Variants in ABCB5 observed in about 807,000 individuals in gnomAD.
ABCB5 encodes the protein ATP-binding cassette sub-family B member 5.
Under a neutral mutation model 144.2 loss-of-function variants are expected in ABCB5, and 155 were observed. The ratio of observed to expected loss-of-function variants is 1.08; its 90% CI spans 0.94 to 1.23. The LOEUF (loss-of-function observed/expected upper bound fraction) is 1.23, where lower values mean the gene tolerates loss of function less well. ABCB5 is among the 50% of genes most tolerant of loss of function. ABCB5 has a pLI of 0.00. For missense variants in ABCB5, 1,830 were observed against 1,520.8 expected (o/e 1.20, Z -3.38); for synonymous variants, 610 against 528.6 (o/e 1.15, Z -2.11).
chr7:20,638,391 T>C (rs1784211255), intron 5 of ABCB5, among the ~76,000 whole-genome samples: 1 of 152,174 alleles, frequency 6.6e-6, no homozygotes, highest in Admixed American at 6.5e-5. Context: ...TAGCATATAA[T>C]TTACCAGTTT....
chr7:20,669,039 C>T (rs1785353714), intron 14 of ABCB5, among the ~76,000 whole-genome samples: 1 of 137,310 alleles, frequency 7.3e-6, no homozygotes, highest in South Asian at 2.6e-4. Context: ...CTCTGCCCGG[C>T]CGCCCCTACT....
chr7:20,659,062 T>C (rs1382897933), intron 14 of ABCB5: 1 of 1,613,758 alleles, frequency 6.2e-7, no homozygotes, highest in East Asian at 2.2e-5. Context: ...CTTTTCTTCT[T>C]TAGGATACCC....
intron 7 of ABCB5, among the ~76,000 whole-genome samples, chr7:20,645,358 C>G (rs534297743): frequency 6.6e-6 from 1 of 152,174 alleles, no homozygotes; most frequent in Non-Finnish European, 1.5e-5. Flanking sequence ...AAAATCAGCT[C>G]CTATTATGTG....
At chr7:20,652,284 C>G (rs1246907931) in intron 13 of ABCB5, among the ~76,000 whole-genome samples, 3 of 152,104 alleles carry the variant, frequency 2.0e-5, no homozygotes, top group Non-Finnish European at 2.9e-5. Context: ...AATGTGAAAT[C>G]AGGCCGGGTG....
chr7:20,706,303 C>G (rs763440916), intron 20 of ABCB5, among the ~76,000 whole-genome samples: 32 of 152,140 alleles, frequency 2.1e-4, no homozygotes, highest in Non-Finnish European at 4.3e-4. Context: ...TAATGTTTGT[C>G]TCTTACTACT....
At chr7:20,751,122 C>G (rs1000092495) in intron 26 of ABCB5, among the ~76,000 whole-genome samples, 1 of 152,164 alleles carries the variant, frequency 6.6e-6, no homozygotes, top group African/African-American at 2.4e-5. Flanking sequence ...TGACTTTTAG[C>G]TCCGGTTCAT....
intron 18 of ABCB5, 24 bp from the exon 19 acceptor site, chr7:20,700,034 G>T: frequency 6.2e-7 from 1 of 1,610,518 alleles, no homozygotes; most frequent in African/African-American, 1.3e-5. Flanking sequence ...AAAGAACGTA[G>T]ATTTTTGTTT....
At chr7:20,738,951 A>G (rs1319894038) in intron 23 of ABCB5, 32 bp from the exon 24 acceptor site, 1 of 1,549,780 alleles carries the variant, frequency 6.5e-7, no homozygotes, top group African/African-American at 1.4e-5. Flanking sequence ...GGATCGATGG[A>G]CCTAAGATTC....
At chr7:20,617,667 G>A (rs1433518659) in intron 1 of ABCB5, among the ~76,000 whole-genome samples, 17 of 152,146 alleles carry the variant, frequency 1.1e-4, no homozygotes, top group African/African-American at 3.1e-4. Flanking sequence ...CCCAAAAATC[G>A]CATTTTTATA....
chr7:20,723,897 G>A (rs114263536), intron 21 of ABCB5, among the ~76,000 whole-genome samples: 1,775 of 152,198 alleles, frequency 0.012, 38 homozygotes, highest in African/African-American at 0.04. Context: ...GAAAATGCCT[G>A]GACATACAGG....
intron 16 of ABCB5, among the ~76,000 whole-genome samples, chr7:20,688,345 A>G (rs1786073044): frequency 6.6e-6 from 1 of 152,210 alleles, no homozygotes; most frequent in Non-Finnish European, 1.5e-5. Flanking sequence ...ACAATGAAAG[A>G]GAAAGTTTAG....
chr7:20,755,554 G>A lies in ABCB5; in HGVS notation c.3704G>A (p.Gly1235Glu). 6.2e-7 allele frequency: 1 copy of A among 1,614,134 alleles called. No individual in the cohort carries two copies. Among genetic ancestry groups the A allele is most frequent in the Non-Finnish European group, 8.5e-7 (1 of 1,180,020 alleles). Reference protein sequence around the residue: ...VLHNGKIKEQGTHQELLRNRD... With the variant: ...VLHNGKIKEQETHQELLRNRD... ...CACAATGGAAAGATAAAGGAACAAG[G>A]AACTCATCAAGAGCTCCTGAGAAAT... The change falls in exon 28 of 28, where the codon GGA becomes GAA. Residue 1235 changes from glycine (G) to glutamate (E), a missense_variant. Physicochemically the swap from Gly to Glu is moderately conservative, Grantham distance 98. Transcript: ENST00000404938.
chr7:20,740,651 A>G (rs1243699784), intron 24 of ABCB5, among the ~76,000 whole-genome samples: 2 of 152,306 alleles, frequency 1.3e-5, no homozygotes, highest in Non-Finnish European at 2.9e-5. Flanking sequence ...TCTGCAGATT[A>G]TAACAGAGGA....
chr7:20,629,981 T>G (rs1447900428), intron 4 of ABCB5, among the ~76,000 whole-genome samples: 3 of 152,190 alleles, frequency 2.0e-5, no homozygotes, highest in Admixed American at 1.3e-4. Context: ...AGCAATTAGG[T>G]GTGGAAAAGG....
chr7:20,617,388 C>T (rs912507567), intron 1 of ABCB5, among the ~76,000 whole-genome samples: 1 of 152,128 alleles, frequency 6.6e-6, no homozygotes, highest in Non-Finnish European at 1.5e-5. Flanking sequence ...GATTCTGATG[C>T]CAGAGGTCCT....
intron 23 of ABCB5, among the ~76,000 whole-genome samples, chr7:20,734,371 A>T (rs963472414): frequency 6.6e-6 from 1 of 151,010 alleles, no homozygotes; most frequent in Non-Finnish European, 1.5e-5. Context: ...TTTCCAACTC[A>T]GCAATCTAGG....
chr7:20,723,968 G>A (rs1262185110), intron 21 of ABCB5, among the ~76,000 whole-genome samples: 1 of 152,066 alleles, frequency 6.6e-6, no homozygotes, highest in African/African-American at 2.4e-5. Context: ...AGAGACTGAA[G>A]GAAACATTAT....
At chr7:20,745,921 G>A (rs899430803) in intron 26 of ABCB5, among the ~76,000 whole-genome samples, 2 of 152,226 alleles carry the variant, frequency 1.3e-5, no homozygotes, top group African/African-American at 4.8e-5. Flanking sequence ...TGAAGCCTCT[G>A]TAATCTGGCC....
At chr7:20,668,289 C>G (rs6965802) in intron 14 of ABCB5, among the ~76,000 whole-genome samples, 3 of 148,838 alleles carry the variant, frequency 2.0e-5, no homozygotes, top group African/African-American at 5.0e-5. Context: ...GCGCCTCTTC[C>G]CCGCCGCCAT....
Sources: allele counts gnomAD v4.1 joint callset (sites outside exome capture counted in the v4.1 genomes callset), GRCh38; gene constraint gnomAD v4.1.1; transcripts MANE v1.5; gene names NCBI Gene and HGNC (gene_info 2026-07-23, HGNC 2026-07-21).